The following PDE10A variants were observed in gnomAD, a reference collection of about 807,000 sequenced individuals.
PDE10A encodes the protein phosphodiesterase 10A.
In PDE10A, 39 loss-of-function variants were observed where a neutral mutation model predicts 97.7. The ratio of observed to expected loss-of-function variants is 0.40; its 90% CI spans 0.31 to 0.52. The LOEUF (loss-of-function observed/expected upper bound fraction) is 0.52, where lower values mean the gene tolerates loss of function less well. PDE10A is among the 20% of genes least tolerant of loss of function. PDE10A has a pLI of 0.56. For synonymous variants in PDE10A, 371 were observed against 376.8 expected (o/e 0.98, Z 0.18); for missense variants, 731 against 1,047.8 (o/e 0.70, Z 4.17).
At chr6:165,860,699 A>G (rs1780878530) in intron 1 of PDE10A, among the ~76,000 whole-genome samples, 1 of 152,202 alleles carries the variant, frequency 6.6e-6, no homozygotes, top group Non-Finnish European at 1.5e-5. Context: ...GCGAATTTGC[A>G]AATACGGAAC....
chr6:165,420,196 T>C (rs1788596948), intron 10 of PDE10A, among the ~76,000 whole-genome samples: 1 of 152,220 alleles, frequency 6.6e-6, no homozygotes, highest in Admixed American at 6.5e-5. Flanking sequence ...CCCTGCTCCC[T>C]GCTTGTTAAT....
chr6:165,616,955 A>C lies in PDE10A; in HGVS notation c.865+44992T>G, dbSNP rs181755327. ...GGCAAACTTCTCTTGAATCCATGCA[A>C]AATGAGTCAATGCTATTTACTGGAT... On this transcript the variant is annotated intron_variant, in intron 1 of 21. Transcript: ENST00000539869. Among the ~76,000 whole-genome samples, 74 of 152,358 alleles carry C rather than the reference A, an allele frequency of 4.9e-4. 1 individual carries two copies. The highest frequency in any genetic ancestry group is 1.7e-3 in the African/African-American group (70 of 41,588).
chr6:165,776,959 A>G (rs1265896373), intron 1 of PDE10A, among the ~76,000 whole-genome samples: 3 of 152,206 alleles, frequency 2.0e-5, no homozygotes, highest in Non-Finnish European at 4.4e-5. Context: ...GTGCAACAAA[A>G]TTACACATGC....
intron 1 of PDE10A, among the ~76,000 whole-genome samples, chr6:165,678,061 GTA>G: frequency 6.6e-6 from 1 of 150,520 alleles, no homozygotes. Flanking sequence ...GTGTGTTTGT[GTA>G]TGTGTGTTTG....
chr6:165,608,074 G>GTATATATGTATATATATGTGTATATA (rs1787301701), intron 1 of PDE10A, among the ~76,000 whole-genome samples: 1 of 136,266 alleles, frequency 7.3e-6, no homozygotes, highest in Non-Finnish European at 1.5e-5. Flanking sequence ...ATATATATAT[G>GTATATATGTATATATATGTGTATATA]TATATATGTA....
intron 1 of PDE10A, among the ~76,000 whole-genome samples, chr6:165,974,777 T>C (rs1209590846): frequency 6.6e-6 from 1 of 152,192 alleles, no homozygotes; most frequent in Non-Finnish European, 1.5e-5. Context: ...CATTGGCAAG[T>C]TCCCTACAGC....
chr6:165,796,527 G>A (rs1270506929), intron 1 of PDE10A, among the ~76,000 whole-genome samples: 1 of 152,134 alleles, frequency 6.6e-6, no homozygotes, highest in Non-Finnish European at 1.5e-5. Flanking sequence ...ATAACATTTG[G>A]GGGATGTATA....
chr6:165,556,823 C>G (rs1784277873), intron 1 of PDE10A, among the ~76,000 whole-genome samples: 1 of 151,756 alleles, frequency 6.6e-6, no homozygotes, highest in South Asian at 2.1e-4. Flanking sequence ...TTCAGTAAAG[C>G]CTTGATAAAT....
At chr6:165,349,311 C>G (rs1386629026) in intron 18 of PDE10A, among the ~76,000 whole-genome samples, 1 of 152,048 alleles carries the variant, frequency 6.6e-6, no homozygotes, top group Non-Finnish European at 1.5e-5. Flanking sequence ...CAGGCTGGTC[C>G]AGGTGGTCTC....
chr6:165,399,261 G>A (rs1263712890), intron 13 of PDE10A, among the ~76,000 whole-genome samples: 1 of 152,014 alleles, frequency 6.6e-6, no homozygotes, highest in South Asian at 2.1e-4. Flanking sequence ...CCTTTCAACT[G>A]AACTACTCAT....
rs573234022 is a variant in PDE10A at position 165,762,535 on chromosome 6, T to C, written c.-614-218967A>G. Among the ~76,000 whole-genome samples, 5 of 151,466 alleles carry C rather than the reference T, an allele frequency of 3.3e-5. No individual in the cohort carries two copies. In the South Asian group the frequency reaches 1.0e-3, roughly 32 times the overall value. ...GTAGTGGGCAAGGGAGGAGACAAGG[T>C]TGCCAATATTTAATGTGGTAGACCT... On this transcript the variant is annotated intron_variant, in intron 1 of 19. Coordinates refer to the PDE10A transcript ENST00000366882.
At chr6:165,384,610 G>A (rs371992613) in intron 17 of PDE10A, among the ~76,000 whole-genome samples, 1 of 142,038 alleles carries the variant, frequency 7.0e-6, no homozygotes, top group Admixed American at 7.3e-5. Flanking sequence ...CATGAGTAAC[G>A]TGTGTGTGTA....
At chr6:165,833,735 G>A (rs760987009) in intron 1 of PDE10A, among the ~76,000 whole-genome samples, 9 of 152,240 alleles carry the variant, frequency 5.9e-5, no homozygotes, top group Admixed American at 2.6e-4. Flanking sequence ...ACCTGGATTG[G>A]CAATGGCAGG....
At position 165,883,549 on chromosome 6, in the gene PDE10A, A is replaced by T. The variant is rs536466937; in HGVS notation, c.-615+103980T>A. Among the ~76,000 whole-genome samples the T allele has an allele frequency of 7.7e-3, 486 of 63,208 alleles. 5 individuals carry two copies. The highest frequency in any genetic ancestry group is 0.016 in the East Asian group (11 of 702). 41.5% of individuals were successfully genotyped at this position (63,208 alleles called of 152,430 possible). Reference sequence around the variant, plus strand: ...ATTGAGACTCCGTCTCAAAAAAAAAAAAAATAAATAAAAATAAAAATAAAC... The same window carrying T: ...ATTGAGACTCCGTCTCAAAAAAAAATAAAATAAATAAAAATAAAAATAAAC... On this transcript the variant is annotated intron_variant, in intron 1 of 19. Transcript: ENST00000366882.
At chr6:165,471,888 C>T (rs1188093590) in intron 3 of PDE10A, among the ~76,000 whole-genome samples, 1 of 152,124 alleles carries the variant, frequency 6.6e-6, no homozygotes, top group Non-Finnish European at 1.5e-5. Context: ...CTTAGGATTT[C>T]TGAACTTTTG....
intron 3 of PDE10A, among the ~76,000 whole-genome samples, chr6:165,467,212 G>T (rs1398566966): frequency 1.3e-5 from 2 of 152,234 alleles, no homozygotes; most frequent in Non-Finnish European, 2.9e-5. Context: ...TCATAACAGA[G>T]AAGTGCAATG....
chr6:165,706,855 G>T (rs1176712907), intron 1 of PDE10A, among the ~76,000 whole-genome samples: 1 of 152,122 alleles, frequency 6.6e-6, no homozygotes, highest in African/African-American at 2.4e-5. Context: ...TTAAAAAAAG[G>T]AACACTATCC....
intron 1 of PDE10A, among the ~76,000 whole-genome samples, chr6:165,633,492 T>C (rs1327227191): frequency 6.6e-6 from 1 of 152,076 alleles, no homozygotes; most frequent in Non-Finnish European, 1.5e-5. Context: ...AGAAAGAAGA[T>C]GGAATAATTG....
intron 1 of PDE10A, among the ~76,000 whole-genome samples, chr6:165,637,933 C>T (rs1375268164): frequency 2.0e-5 from 3 of 152,124 alleles, no homozygotes; most frequent in Non-Finnish European, 4.4e-5. Context: ...AATGAGAAAA[C>T]GCTTTGTAGC....
Sources: gnomAD v4.1 joint callset for allele counts (sites outside exome capture counted in the v4.1 genomes callset) on GRCh38, gnomAD v4.1.1 for gene constraint, MANE v1.5 for transcripts, NCBI Gene and HGNC (gene_info 2026-07-23, HGNC 2026-07-21) for gene names.